TAMM41: variants seen among roughly 807,000 people sequenced by gnomAD.
TAMM41 encodes phosphatidate cytidylyltransferase, mitochondrial.
A neutral mutation model predicts 44.1 loss-of-function variants in TAMM41; 36 were observed. That is an observed-to-expected ratio of 0.82 (90% CI 0.63 to 1.08). The LOEUF is 1.08. TAMM41 is among the 50% of genes least tolerant of loss of function. The pLI is 0.00. For missense variants in TAMM41, 417 were observed against 404.3 expected, an observed-to-expected ratio of 1.03 and a Z score of -0.27; for synonymous variants, 164 against 153.1, an observed-to-expected ratio of 1.07 and a Z score of -0.53.
At chr3:11,806,642 A>C (rs552236541) in intron 7 of TAMM41, among the ~76,000 whole-genome samples, 41 of 152,324 alleles carry the variant, frequency 2.7e-4, no homozygotes, top group African/African-American at 9.1e-4. Context: ...AAGGAGTTCC[A>C]GAAAGAGAAC....
the TAMM41 span, among the ~76,000 whole-genome samples, chr3:11,748,671 A>G: frequency 5.3e-5 from 8 of 151,782 alleles, no homozygotes; most frequent in Non-Finnish European, 8.8e-5. Flanking sequence ...GAGCCACTGC[A>G]CCTGGCCTGT....
the TAMM41 span, among the ~76,000 whole-genome samples, chr3:11,753,917 C>A: frequency 6.6e-6 from 1 of 152,066 alleles, no homozygotes; most frequent in African/African-American, 2.4e-5. Flanking sequence ...TGGCCAGATC[C>A]CACTGAGTGC....
At chr3:11,773,469 C>T in the TAMM41 span, among the ~76,000 whole-genome samples, 2 of 152,078 alleles carry the variant, frequency 1.3e-5, no homozygotes, top group Non-Finnish European at 2.9e-5. Flanking sequence ...AGTCCTCTTG[C>T]CTTGGCTTCC....
At chr3:11,808,562 G>A (rs773077137) in intron 6 of TAMM41, 16 of 985,318 alleles carry the variant, frequency 1.6e-5, no homozygotes, top group African/African-American at 3.5e-5. Context: ...TCTGGCACGC[G>A]GAGGAGCTCA....
chr3:11,813,304 C>T (rs1187817272), intron 5 of TAMM41, among the ~76,000 whole-genome samples: 1 of 152,022 alleles, frequency 6.6e-6, no homozygotes, highest in African/African-American at 2.4e-5. Flanking sequence ...CTGAAGCGGG[C>T]AGATTACTTG....
At chr3:11,754,708 C>CTTTTTTTTTTTT in the TAMM41 span, among the ~76,000 whole-genome samples, 1 of 103,562 alleles carries the variant, frequency 9.7e-6, no homozygotes, top group African/African-American at 3.8e-5. Flanking sequence ...TCTCAGATCT[C>CTTTTTTTTTTTT]TTTTTTTTTT....
At chr3:11,753,511 T>G in the TAMM41 span, among the ~76,000 whole-genome samples, 274 of 151,620 alleles carry the variant, frequency 1.8e-3, 1 homozygote, top group African/African-American at 6.4e-3. Context: ...GATCACAAGG[T>G]CAGGAGATTG....
rs768826552 is a variant in TAMM41 at position 11,809,584 on chromosome 3, G to GT, written c.806dup (p.Asn269LysfsTer14). 1.9e-5 allele frequency: 30 copies of GT among 1,613,826 alleles called. No homozygotes were observed. Among genetic ancestry groups the GT allele is most frequent in the South Asian group, 3.3e-5 (3 of 91,064 alleles). ...GGAATAAAGTTTCTTCCACATCTCT[G>GT]TTTTTTCCAGGAGGGTCCATAATAT... is the stretch of plus-strand genomic sequence containing the variant. On this transcript the variant is annotated frameshift_variant, in exon 6 of 8. Coordinates refer to ENST00000455809, the MANE Select transcript of TAMM41 (RefSeq NM_001284401.2). LOFTEE classifies it high-confidence loss of function.
intron 2 of TAMM41, among the ~76,000 whole-genome samples, chr3:11,841,735 C>G (rs978080917): frequency 6.6e-6 from 1 of 152,186 alleles, no homozygotes; most frequent in Non-Finnish European, 1.5e-5. Context: ...CCTTTTCCCC[C>G]CAACTCCAGC....
chr3:11,734,750 T>C, the TAMM41 span, among the ~76,000 whole-genome samples: 3 of 151,588 alleles, frequency 2.0e-5, no homozygotes, highest in South Asian at 6.3e-4. Context: ...AAAAAGCAAA[T>C]ATGGACCGGG....
chr3:11,840,076 T>A (rs1481037789), intron 2 of TAMM41, among the ~76,000 whole-genome samples: 1 of 152,110 alleles, frequency 6.6e-6, no homozygotes, highest in East Asian at 1.9e-4. Flanking sequence ...CACACCTGTA[T>A]GATTGCATCC....
At chr3:11,784,360 T>G in the TAMM41 span, among the ~76,000 whole-genome samples, 276 of 152,224 alleles carry the variant, frequency 1.8e-3, no homozygotes, top group Non-Finnish European at 1.5e-3. Context: ...CCAGGTGTGG[T>G]GGTGTGAGCC....
chr3:11,801,910 T>C (rs543453939), intron 7 of TAMM41, among the ~76,000 whole-genome samples: 1 of 151,880 alleles, frequency 6.6e-6, no homozygotes, highest in South Asian at 2.1e-4. Flanking sequence ...CAAAAAACAA[T>C]ACAAAGTATC....
At chr3:11,831,161 C>T (rs930949085) in intron 3 of TAMM41, among the ~76,000 whole-genome samples, 8 of 152,164 alleles carry the variant, frequency 5.3e-5, no homozygotes, top group African/African-American at 1.7e-4. Context: ...TCTGGGCCAG[C>T]GGTTCTCATC....
intron 4 of TAMM41, among the ~76,000 whole-genome samples, chr3:11,823,635 T>C (rs1369292167): frequency 6.6e-6 from 1 of 151,460 alleles, no homozygotes; most frequent in Non-Finnish European, 1.5e-5. Flanking sequence ...AAACATTTTC[T>C]TCCATTTTGT....
At chr3:11,831,715 T>C (rs190321921) in intron 3 of TAMM41, among the ~76,000 whole-genome samples, 2 of 152,342 alleles carry the variant, frequency 1.3e-5, no homozygotes, top group Admixed American at 1.3e-4. Context: ...TCTTCTCTTC[T>C]AATTGTAAAA....
At chr3:11,832,246 G>A (rs2079009900) in intron 3 of TAMM41, among the ~76,000 whole-genome samples, 1 of 150,058 alleles carries the variant, frequency 6.7e-6, no homozygotes, top group African/African-American at 2.5e-5. Context: ...GCACCCATGG[G>A]ATTCAACCAA....
At position 11,817,177 on chromosome 3, in the gene TAMM41, T is replaced by C; in HGVS notation, c.708+15A>G. ...GTCTTAGAAACAATACAAGCTATTT[T>C]CCACATACAGTTACCTCCAGCCAGC... is the stretch of plus-strand genomic sequence containing the variant. On this transcript the variant is annotated intron_variant, in intron 5 of 7. Transcript: ENST00000455809. 6.2e-7 allele frequency: 1 copy of C among 1,603,534 alleles called. No individual in the cohort carries two copies. Among genetic ancestry groups the C allele is most frequent in the Non-Finnish European group, 8.5e-7 (1 of 1,172,458 alleles).
the TAMM41 span, among the ~76,000 whole-genome samples, chr3:11,729,538 C>CTTTTTTTTTTTTTTTTTTTTTTTTTT: frequency 4.1e-4 from 27 of 65,540 alleles, 7 homozygotes; most frequent in African/African-American, 1.4e-3. Flanking sequence ...TTCTTTCTTT[C>CTTTTTTTTTTTTTTTTTTTTTTTTTT]ATTTTTTTTT....
Sources: allele counts gnomAD v4.1 joint callset (sites outside exome capture counted in the v4.1 genomes callset), GRCh38; gene constraint gnomAD v4.1.1; transcripts MANE v1.5; gene names NCBI Gene and HGNC (gene_info 2026-07-23, HGNC 2026-07-21).